ITPKB: variants seen among roughly 807,000 people sequenced by gnomAD.
ITPKB encodes inositol-trisphosphate 3-kinase B, also known as IP3 3-kinase B.
Under a neutral mutation model 69.4 loss-of-function variants are expected in ITPKB, and 13 were observed. That is an observed-to-expected ratio of 0.19 (90% CI 0.12 to 0.30). The LOEUF is 0.30. Ranked by LOEUF, ITPKB falls within the 10% of genes least tolerant of loss-of-function variation. The pLI is 1.00. For synonymous variants in ITPKB, 584 were observed against 513.7 expected, an observed-to-expected ratio of 1.14 and a Z score of -1.85; for missense variants, 1,240 against 1,250.5, an observed-to-expected ratio of 0.99 and a Z score of 0.13.
chr1:226,734,497 A>G (rs1250651919), intron 2 of ITPKB, among the ~76,000 whole-genome samples: 6 of 152,224 alleles, frequency 3.9e-5, no homozygotes, highest in Non-Finnish European at 4.4e-5. Context: ...CTACTATAAT[A>G]AAATGCAGAC....
intron 2 of ITPKB, among the ~76,000 whole-genome samples, chr1:226,657,837 C>T (rs1669325622): frequency 6.6e-6 from 1 of 152,168 alleles, no homozygotes; most frequent in South Asian, 2.1e-4. Context: ...CTCTCTCGGA[C>T]CTGGGGCTAT....
chr1:226,661,970 T>TC (rs1454525120), intron 2 of ITPKB, among the ~76,000 whole-genome samples: 2 of 152,138 alleles, frequency 1.3e-5, no homozygotes, highest in Non-Finnish European at 2.9e-5. Context: ...CAATGAAAAG[T>TC]CCTATTCCTT....
rs1410504100 is a variant in ITPKB at position 226,649,507 on chromosome 1, A to AT, written c.1933-737dup. The stretch of plus-strand genomic sequence containing the variant: ...GTGTGCATCAGTGTGTGCATGCGTG[A>AT]TATGTGCATGTGTGTGATGTGTGCA... On this transcript the variant is annotated intron_variant, in intron 2 of 7. Coordinates refer to ENST00000429204, the MANE Select transcript of ITPKB (RefSeq NM_002221.4). Among the ~76,000 whole-genome samples, 5 of 143,542 alleles carry AT rather than the reference A, an allele frequency of 3.5e-5. No homozygotes were observed. The East Asian group carries it at 1.0e-3, about 29-fold the overall frequency. 94.2% of individuals were successfully genotyped at this position (143,542 alleles called of 152,430 possible). A position where few individuals can be genotyped will look rare whatever the true frequency, so the allele number is the denominator to read the frequency against.
intron 2 of ITPKB, among the ~76,000 whole-genome samples, chr1:226,700,567 C>T (rs1311588896): frequency 4.0e-5 from 6 of 148,962 alleles, no homozygotes; most frequent in African/African-American, 5.0e-5. Flanking sequence ...GCTATTAATA[C>T]GATTTAATAT....
At chr1:226,708,103 C>T (rs1387087964) in intron 2 of ITPKB, among the ~76,000 whole-genome samples, 5 of 151,992 alleles carry the variant, frequency 3.3e-5, no homozygotes, top group Non-Finnish European at 5.9e-5. Context: ...GACGTTAAAA[C>T]AATAAAAGAT....
At chr1:226,715,983 G>A (rs1657085011) in intron 2 of ITPKB, among the ~76,000 whole-genome samples, 1 of 152,126 alleles carries the variant, frequency 6.6e-6, no homozygotes, top group Non-Finnish European at 1.5e-5. Flanking sequence ...GCTAATTTTT[G>A]TATTTTTAGT....
At chr1:226,646,834 C>T (rs536247193) in intron 4 of ITPKB, among the ~76,000 whole-genome samples, 2 of 152,292 alleles carry the variant, frequency 1.3e-5, no homozygotes, top group Admixed American at 6.5e-5. Flanking sequence ...CTCCCCGCAC[C>T]CCCAGCGATC....
intron 2 of ITPKB, among the ~76,000 whole-genome samples, chr1:226,652,443 A>G (rs985665653): frequency 6.6e-6 from 1 of 152,326 alleles, no homozygotes; most frequent in East Asian, 1.9e-4. Context: ...GACAGGTAAC[A>G]AGGCAAGAAA....
At position 226,693,903 on chromosome 1, in the gene ITPKB, C is replaced by A. The variant is rs572562222; in HGVS notation, c.1932+41624G>T. Among the ~76,000 whole-genome samples, 20 of 152,356 alleles carry A rather than the reference C, an allele frequency of 1.3e-4. No homozygotes were observed. The South Asian group carries it at 4.1e-3, about 32-fold the overall frequency. ...CCCTACCCACAATGGGTTCTCACAG[C>A]ACACCTTGTCTTCAAGGATAGCTCT... On this transcript the variant is annotated intron_variant, in intron 2 of 7. Coordinates refer to ENST00000429204, the MANE Select transcript of ITPKB (RefSeq NM_002221.4).
rs372742295 is a variant in ITPKB, at chr1:226,737,149, C to T, written c.310G>A (p.Gly104Ser). The change falls in exon 2 of 8, where the codon GGT (glycine) becomes AGT (serine). Residue 104 changes from glycine (G) to serine (S), a missense_variant. Coordinates refer to ENST00000429204, the MANE Select transcript of ITPKB (RefSeq NM_002221.4). ...GSSVSSPSWA[G>S]RLRGDRQQVV... ...TGCTGCCGGTCCCCTCGCAGGCGAC[C>T]AGCCCAACTTGGGCTGCTCACGCTA... 1.2e-5 allele frequency: 19 copies of T among 1,599,408 alleles called. No homozygotes were observed. In the African/African-American group the frequency reaches 1.7e-4, roughly 15 times the overall value.
At position 226,655,107 on chromosome 1, in the gene ITPKB, G is replaced by A. The variant is rs139164627; in HGVS notation, c.1933-6336C>T. Among the ~76,000 whole-genome samples, 1,355 of 152,136 alleles carry A rather than the reference G, an allele frequency of 8.9e-3. 26 individuals are homozygous for A. The highest frequency in any genetic ancestry group is 0.031 in the African/African-American group (1,292 of 41,494). Reference sequence around the variant, plus strand: ...AGGAGGAAGAGGAGGGCAGGAGGAAGAAGAGGGAGGAAGGAGGGGAAGGAG... The same window carrying A: ...AGGAGGAAGAGGAGGGCAGGAGGAAAAAGAGGGAGGAAGGAGGGGAAGGAG... On this transcript the variant is annotated intron_variant, in intron 2 of 7. Coordinates refer to ENST00000429204, the MANE Select transcript of ITPKB (RefSeq NM_002221.4).
intron 2 of ITPKB, among the ~76,000 whole-genome samples, chr1:226,683,185 G>C (rs899323316): frequency 4.6e-5 from 7 of 152,210 alleles, no homozygotes; most frequent in Non-Finnish European, 8.8e-5. Context: ...CTGTCCCAAG[G>C]CAGAGAGGGC....
chr1:226,723,889 A>G (rs1344058996), intron 2 of ITPKB, among the ~76,000 whole-genome samples: 1 of 152,128 alleles, frequency 6.6e-6, no homozygotes, highest in African/African-American at 2.4e-5. Context: ...CTCTCCTGCA[A>G]CTAAAGAACC....
In ITPKB at chr1:226,653,528, G is replaced by T. The variant is rs183334802; in HGVS notation, c.1933-4757C>A. Among the ~76,000 whole-genome samples, 6 of 152,314 alleles carry T rather than the reference G, an allele frequency of 3.9e-5. 1 individual carries two copies. Among genetic ancestry groups the T allele is most frequent in the African/African-American group, 1.4e-4 (6 of 41,574 alleles). ...ATACATCCCTCCCTGGGGCTGCTCAGGTGCCACTTCCGGTGCAGCTGTCAG... is the reference window on the plus strand; with the variant it reads ...ATACATCCCTCCCTGGGGCTGCTCATGTGCCACTTCCGGTGCAGCTGTCAG... On this transcript the variant is annotated intron_variant, in intron 2 of 7. Transcript: ENST00000429204.
chr1:226,722,305 G>A (rs1657268191), intron 2 of ITPKB, among the ~76,000 whole-genome samples: 1 of 152,144 alleles, frequency 6.6e-6, no homozygotes, highest in South Asian at 2.1e-4. Flanking sequence ...GCCTTCCCCT[G>A]GGAATGTGGT....
intron 2 of ITPKB, among the ~76,000 whole-genome samples, chr1:226,670,069 T>A (rs1669584374): frequency 6.7e-6 from 1 of 148,896 alleles, no homozygotes; most frequent in African/African-American, 2.5e-5. Flanking sequence ...GAGATGGGGT[T>A]TCACTACTTG....
intron 4 of ITPKB, among the ~76,000 whole-genome samples, chr1:226,644,299 C>T (rs1168997663): frequency 2.6e-5 from 4 of 152,200 alleles, no homozygotes; most frequent in Non-Finnish European, 2.9e-5. Flanking sequence ...CCTGCCTGCC[C>T]GAGACAAAGT....
intron 2 of ITPKB, among the ~76,000 whole-genome samples, chr1:226,697,400 A>G (rs896732006): frequency 6.6e-5 from 10 of 152,254 alleles, no homozygotes; most frequent in Admixed American, 1.3e-4. Context: ...AATGAGAAAC[A>G]GAATTTCCCC....
intron 6 of ITPKB, among the ~76,000 whole-genome samples, chr1:226,638,766 G>A (rs1414224902): frequency 2.0e-5 from 3 of 152,014 alleles, no homozygotes; most frequent in African/African-American, 7.3e-5. Flanking sequence ...CACACAAGAT[G>A]GGGACAAGCA....
Sources: gnomAD v4.1 joint callset for allele counts (sites outside exome capture counted in the v4.1 genomes callset) on GRCh38, gnomAD v4.1.1 for gene constraint, MANE v1.5 for transcripts, NCBI Gene and HGNC (gene_info 2026-07-23, HGNC 2026-07-21) for gene names.